PDE3B: variants seen among roughly 807,000 people sequenced by gnomAD.
The protein encoded by PDE3B is cGMP-inhibited 3',5'-cyclic phosphodiesterase 3B.
In PDE3B, 66 loss-of-function variants were observed where a neutral mutation model predicts 116.8. That is an observed-to-expected ratio of 0.56 (90% CI 0.46 to 0.69). The LOEUF is 0.69. Ranked by LOEUF, PDE3B falls within the 30% of genes least tolerant of loss-of-function variation. The pLI, the probability that PDE3B is intolerant of heterozygous loss-of-function variation, is 0.00. For synonymous variants in PDE3B, 595 were observed against 533.6 expected (o/e 1.12, Z -1.59); for missense variants, 1,384 against 1,368.1 (o/e 1.01, Z -0.18).
At chr11:14,780,444 A>T (rs1337648500) in intron 2 of PDE3B, among the ~76,000 whole-genome samples, 1 of 152,234 alleles carries the variant, frequency 6.6e-6, no homozygotes, top group Admixed American at 6.5e-5. Context: ...ATGTAAAAGA[A>T]CAGAAATTAT....
intron 12 of PDE3B, among the ~76,000 whole-genome samples, chr11:14,856,220 C>T (rs1484752885): frequency 1.3e-5 from 2 of 152,194 alleles, no homozygotes; most frequent in East Asian, 3.8e-4. Context: ...GCCTGCCTCT[C>T]CATTGCCTTC....
chr11:14,745,226 G>T (rs965678559), intron 1 of PDE3B, among the ~76,000 whole-genome samples: 4 of 152,120 alleles, frequency 2.6e-5, no homozygotes, highest in Non-Finnish European at 5.9e-5. Flanking sequence ...TCTGAATTCT[G>T]TAATTAAATA....
chr11:14,703,188 G>A (rs1056297170), intron 1 of PDE3B, among the ~76,000 whole-genome samples: 6 of 151,734 alleles, frequency 4.0e-5, no homozygotes, highest in African/African-American at 1.5e-4. Flanking sequence ...TGTTACATTC[G>A]AGTTCCAAGC....
intron 4 of PDE3B, among the ~76,000 whole-genome samples, chr11:14,802,076 G>T (rs969121705): frequency 6.6e-6 from 1 of 152,216 alleles, no homozygotes; most frequent in African/African-American, 2.4e-5. Context: ...GCTCTGTGGC[G>T]GTGAGATCTG....
chr11:14,659,297 T>C (rs1215007720), intron 1 of PDE3B, among the ~76,000 whole-genome samples: 2 of 152,196 alleles, frequency 1.3e-5, no homozygotes, highest in African/African-American at 4.8e-5. Context: ...TTTTCAGATA[T>C]GGCTTGCAGA....
intron 1 of PDE3B, among the ~76,000 whole-genome samples, chr11:14,667,200 C>T (rs992459994): frequency 4.7e-5 from 7 of 149,628 alleles, no homozygotes; most frequent in African/African-American, 9.9e-5. Flanking sequence ...AACCAAACAC[C>T]ACATATTCTC....
intron 11 of PDE3B, among the ~76,000 whole-genome samples, chr11:14,839,511 G>C (rs1860157588): frequency 6.6e-6 from 1 of 152,220 alleles, no homozygotes; most frequent in South Asian, 2.1e-4. Context: ...GTAATCAGGT[G>C]GTTACTCTAG....
At chr11:14,787,937 A>T (rs1858262914) in intron 3 of PDE3B, among the ~76,000 whole-genome samples, 1 of 151,860 alleles carries the variant, frequency 6.6e-6, no homozygotes, top group Admixed American at 6.6e-5. Context: ...AATCATATTG[A>T]TATCAGTATT....
chr11:14,867,830 A>G (rs919713418), intron 15 of PDE3B, 72 bp downstream of exon 15: 5 of 1,402,280 alleles, frequency 3.6e-6, no homozygotes, highest in Non-Finnish European at 3.8e-6. Context: ...AATCTGAAAT[A>G]TGAAATGCTC....
In PDE3B at chr11:14,644,051, C is replaced by T; in HGVS notation, c.-25C>T. On this transcript the variant is annotated 5_prime_UTR_variant, in exon 1 of 16. Transcript: ENST00000282096. ...ACGGTACGAGCGGGGTGTGCTGAGTCCCGTGGCCACCCCCGGCCCCAGCCA... is the reference window on the plus strand; with the variant it reads ...ACGGTACGAGCGGGGTGTGCTGAGTTCCGTGGCCACCCCCGGCCCCAGCCA... The T allele has an allele frequency of 6.8e-7, 1 of 1,479,172 alleles. No homozygotes were observed. Among genetic ancestry groups the T allele is most frequent in the Non-Finnish European group, 8.9e-7 (1 of 1,125,750 alleles). The allele number at this position is 1,479,172 out of a possible 1,614,324, so 91.6% of individuals were successfully genotyped here.
chr11:14,669,951 G>C (rs1157633333), intron 1 of PDE3B, among the ~76,000 whole-genome samples: 1 of 152,090 alleles, frequency 6.6e-6, no homozygotes. Context: ...TCTTTATATT[G>C]CATATCCTCT....
In PDE3B at chr11:14,644,635, A is replaced by G; in HGVS notation, c.560A>G (p.His187Arg). ...GDGDAGSAAP[H>R]TPPEAAAGRL... ...GGCGACGCAGGGTCCGCGGCCCCGC[A>G]CACGCCCCCGGAGGCGGCAGCGGGC... Residue 187 changes from histidine (H) to arginine (R), a missense_variant, in exon 1 of 16, where the codon CAC becomes CGC. Around this residue, in one of 2 missense-constraint regions of PDE3B, gnomAD observed 956 missense variants for 806.8 expected, o/e 1.18. Coordinates refer to ENST00000282096, the MANE Select transcript of PDE3B (RefSeq NM_000922.4). 1 of 1,513,538 alleles carries G rather than the reference A, an allele frequency of 6.6e-7. No individual in the cohort carries two copies. Among genetic ancestry groups the G allele is most frequent in the Non-Finnish European group, 8.8e-7 (1 of 1,133,688 alleles). 93.8% of individuals were successfully genotyped at this position (1,513,538 alleles called of 1,614,324 possible).
intron 3 of PDE3B, among the ~76,000 whole-genome samples, chr11:14,788,384 A>G (rs1303888302): frequency 6.6e-6 from 1 of 151,982 alleles, no homozygotes; most frequent in African/African-American, 2.4e-5. Context: ...CTGCAGGTCT[A>G]ATTAACTATT....
rs1484392473 is a variant in PDE3B, at chr11:14,869,748, T to G, written c.*88T>G. 5 of 1,078,318 alleles carry G rather than the reference T, an allele frequency of 4.6e-6. No homozygotes were observed. The highest frequency in any genetic ancestry group is 6.8e-6 in the Non-Finnish European group (5 of 731,392). 66.8% of individuals were successfully genotyped at this position (1,078,318 alleles called of 1,614,324 possible). ...AAATCATTGCCTAGTGTTCACCGGC[T>G]GACTCTCAACTGACCATTCCCATGT... is the stretch of plus-strand genomic sequence containing the variant. On this transcript the variant is annotated 3_prime_UTR_variant, in exon 16 of 16. Transcript: ENST00000282096.
chr11:14,747,569 G>A (rs947042391), intron 1 of PDE3B, among the ~76,000 whole-genome samples: 5 of 152,090 alleles, frequency 3.3e-5, no homozygotes, highest in East Asian at 1.9e-4. Context: ...AGGGACAAAG[G>A]GAAGTGTATA....
At chr11:14,796,835 G>A (rs955747597) in intron 4 of PDE3B, among the ~76,000 whole-genome samples, 7 of 152,156 alleles carry the variant, frequency 4.6e-5, no homozygotes, top group African/African-American at 1.7e-4. Flanking sequence ...TCTGATGGAT[G>A]GTAGTTTCTT....
chr11:14,802,961 T>G (rs1268866494), intron 4 of PDE3B, among the ~76,000 whole-genome samples: 1 of 152,252 alleles, frequency 6.6e-6, no homozygotes, highest in Non-Finnish European at 1.5e-5. Flanking sequence ...TAAAAGAATA[T>G]ATTTAACAGT....
chr11:14,814,906 T>A (rs1003560930), intron 5 of PDE3B, among the ~76,000 whole-genome samples: 1 of 151,060 alleles, frequency 6.6e-6, no homozygotes, highest in African/African-American at 2.4e-5. Flanking sequence ...GAGCTTGCAG[T>A]GAGCTGAGAT....
the PDE3B span, among the ~76,000 whole-genome samples, chr11:14,895,045 T>A: frequency 2.0e-5 from 3 of 152,242 alleles, no homozygotes; most frequent in African/African-American, 7.2e-5. Context: ...AATCAGAGCC[T>A]CTTTCTGGGC....
Sources: allele counts gnomAD v4.1 joint callset (sites outside exome capture counted in the v4.1 genomes callset), GRCh38; gene constraint gnomAD v4.1.1; regional missense constraint gnomAD v4.1.1; transcripts MANE v1.5; gene names NCBI Gene and HGNC (gene_info 2026-07-23, HGNC 2026-07-21).